Variants in TRPM7 observed in about 807,000 individuals in gnomAD.
The protein encoded by TRPM7 is LTRPC ion channel family member 7.
Under a neutral mutation model 229.7 loss-of-function variants are expected in TRPM7, and 134 were observed. The ratio of observed to expected loss-of-function variants is 0.58; its 90% confidence interval spans 0.51 to 0.67. TRPM7 has a LOEUF of 0.67. Ranked by LOEUF, TRPM7 falls within the 30% of genes least tolerant of loss-of-function variation. The pLI, the probability that TRPM7 is intolerant of heterozygous loss-of-function variation, is 0.00. For missense variants in TRPM7, 1,901 were observed against 2,210.0 expected, an observed-to-expected ratio of 0.86 and a Z score of 2.80; for synonymous variants, 699 against 715.2, an observed-to-expected ratio of 0.98 and a Z score of 0.36.
intron 31 of TRPM7, among the ~76,000 whole-genome samples, chr15:50,577,479 G>A (rs762143990): frequency 2.0e-5 from 3 of 152,054 alleles, no homozygotes; most frequent in Non-Finnish European, 4.4e-5. Flanking sequence ...CCTGGGAGGC[G>A]GAGGTTGCAG....
At chr15:50,589,307 G>A (rs1246741273) in intron 27 of TRPM7, among the ~76,000 whole-genome samples, 5 of 127,542 alleles carry the variant, frequency 3.9e-5, no homozygotes, top group African/African-American at 1.5e-4. Context: ...AGGTGACAGC[G>A]AGACTCCGTC....
In TRPM7 at chr15:50,590,841, A is replaced by AGGG. The variant is rs71124382; in HGVS notation, c.4324+1067_4324+1069dup. Among the ~76,000 whole-genome samples, 618 of 149,956 alleles carry AGGG rather than the reference A, an allele frequency of 4.1e-3. 6 individuals carry two copies. In the East Asian group the frequency reaches 0.042, roughly 10 times the overall value. On this transcript the variant is annotated intron_variant, in intron 26 of 38. Transcript: ENST00000646667. Reference sequence around the variant, plus strand: ...TCCGTCTTTTAAAAAAAAAAAAAAAAGGGGGAATATATTTAACGTAGGAAA... The same window carrying AGGG: ...TCCGTCTTTTAAAAAAAAAAAAAAAAGGGGGGGGAATATATTTAACGTAGGAAA...
At chr15:50,566,031 GC>G (rs1212674934) in intron 38 of TRPM7, among the ~76,000 whole-genome samples, 3 of 151,830 alleles carry the variant, frequency 2.0e-5, no homozygotes. Flanking sequence ...CACTATGTTG[GC>G]CAGGTTGGTA....
intron 1 of TRPM7, among the ~76,000 whole-genome samples, chr15:50,666,832 A>G (rs1397982939): frequency 1.3e-5 from 2 of 152,180 alleles, no homozygotes; most frequent in Non-Finnish European, 2.9e-5. Flanking sequence ...TGGAGGTGGC[A>G]GCACAAGTAA....
rs201347783 is a variant in TRPM7 at position 50,583,585 on chromosome 15, T to G, written c.4487-426A>C. Among the ~76,000 whole-genome samples, 6 of 136,044 alleles carry G rather than the reference T, an allele frequency of 4.4e-5. No homozygotes were observed. The East Asian group carries it at 7.9e-4, about 18-fold the overall frequency. The allele number at this position is 136,044 out of a possible 152,430, so 89.3% of individuals were successfully genotyped here. On this transcript the variant is annotated intron_variant, in intron 28 of 38. Coordinates refer to ENST00000646667, the MANE Select transcript of TRPM7 (RefSeq NM_017672.6). ...AACTTTAAGCTTAGAGTTTTGTTTT[T>G]TTTTTTTTGAGACAGAGTTTCACTC...
intron 3 of TRPM7, among the ~76,000 whole-genome samples, chr15:50,651,954 T>G (rs1240270667): frequency 6.6e-6 from 1 of 151,878 alleles, no homozygotes; most frequent in African/African-American, 2.4e-5. Flanking sequence ...AAATTTCATT[T>G]AAAAAATAAC....
At chr15:50,586,032 C>G (rs1233961764) in intron 28 of TRPM7, among the ~76,000 whole-genome samples, 1 of 151,876 alleles carries the variant, frequency 6.6e-6, no homozygotes, top group Non-Finnish European at 1.5e-5. Flanking sequence ...TAATTTTGAA[C>G]CAAAAATGTA....
chr15:50,662,507 A>G (rs2061752474), intron 2 of TRPM7, among the ~76,000 whole-genome samples: 1 of 152,204 alleles, frequency 6.6e-6, no homozygotes, highest in Non-Finnish European at 1.5e-5. Context: ...TTTCCAGTAA[A>G]TAATGATCTG....
Position 50,631,422 on chromosome 15 carries a change from A to G in TRPM7, c.1199T>C (p.Leu400Pro). 1 of 1,603,970 alleles carries G rather than the reference A, an allele frequency of 6.2e-7. No homozygotes were observed. Among genetic ancestry groups the G allele is most frequent in the Non-Finnish European group, 8.5e-7 (1 of 1,173,410 alleles). Residue 400 changes from leucine (L) to proline (P), a missense_variant, in exon 10 of 39, where the codon CTA (leucine) becomes CCA (proline). By Grantham distance (98) the Leu-to-Pro change is moderately conservative. Coordinates refer to ENST00000646667, the MANE Select transcript of TRPM7 (RefSeq NM_017672.6). The part of the protein sequence containing the change: ...DIDVAILTAL[L>P]KGTNASAFDQ... ...AAAAGTTCTTAGAGGCTTACCTTTT[A>G]GCAGTGCAGTAAGTATTGCTACATC... is the stretch of plus-strand genomic sequence containing the variant.
chr15:50,664,547 T>C (rs1001651644), intron 1 of TRPM7, among the ~76,000 whole-genome samples: 8 of 152,136 alleles, frequency 5.3e-5, no homozygotes, highest in Non-Finnish European at 1.0e-4. Flanking sequence ...ATTATAATCT[T>C]AAATATGATT....
At chr15:50,646,068 G>T (rs2061253889) in intron 4 of TRPM7, among the ~76,000 whole-genome samples, 1 of 148,676 alleles carries the variant, frequency 6.7e-6, no homozygotes, top group Admixed American at 6.8e-5. Flanking sequence ...AGTGAGCTGA[G>T]ATCGCGCCAC....
At chr15:50,570,290 GA>G in intron 36 of TRPM7, 135 bp from the exon 37 acceptor site, 1 of 645,682 alleles carries the variant, frequency 1.5e-6, no homozygotes, top group South Asian at 2.8e-5. Context: ...CTATTCAAAG[GA>G]GTGTAGTTCT....
At chr15:50,672,025 GAGTGT>G (rs1168397867) in intron 1 of TRPM7, among the ~76,000 whole-genome samples, 1 of 152,128 alleles carries the variant, frequency 6.6e-6, no homozygotes, top group Non-Finnish European at 1.5e-5. Context: ...TTTATGGTTA[GAGTGT>G]ACTCCTACCT....
At chr15:50,656,316 T>C (rs970622909) in intron 3 of TRPM7, among the ~76,000 whole-genome samples, 16 of 152,010 alleles carry the variant, frequency 1.1e-4, no homozygotes, top group Non-Finnish European at 1.6e-4. Context: ...TTTTTTTTTC[T>C]GGAGACAGGG....
rs1015169394 is a variant in TRPM7 at position 50,568,937 on chromosome 15, C to T, written c.5467+950G>A. Among the ~76,000 whole-genome samples, 12 of 152,062 alleles carry T rather than the reference C, an allele frequency of 7.9e-5. No individual in the cohort carries two copies. The South Asian group carries it at 1.0e-3, about 13-fold the overall frequency. The stretch of plus-strand genomic sequence containing the variant: ...GGTGGAAGCTGCAGTGAGCTGAGAT[C>T]GCACCACTGCACTCCAGCCTGAGCA... On this transcript the variant is annotated intron_variant, in intron 38 of 38. Coordinates refer to ENST00000646667, the MANE Select transcript of TRPM7 (RefSeq NM_017672.6).
intron 1 of TRPM7, among the ~76,000 whole-genome samples, chr15:50,676,977 T>C (rs1369362966): frequency 6.6e-6 from 1 of 152,102 alleles, no homozygotes; most frequent in Admixed American, 6.5e-5. Context: ...CTGCTGCCCA[T>C]TGTAGGAGAG....
At chr15:50,619,850 T>G in intron 12 of TRPM7, 52 bp from the exon 13 acceptor site, 1 of 1,467,678 alleles carries the variant, frequency 6.8e-7, no homozygotes, top group Non-Finnish European at 9.4e-7. Flanking sequence ...TAAACTAATT[T>G]AAACCTTACA....
chr15:50,650,526 C>G (rs1353146701), intron 3 of TRPM7, among the ~76,000 whole-genome samples: 1 of 151,842 alleles, frequency 6.6e-6, no homozygotes, highest in Non-Finnish European at 1.5e-5. Flanking sequence ...GAAACTCTGT[C>G]TCTCCTAAAA....
At chr15:50,621,426 T>C (rs1471859703) in intron 12 of TRPM7, among the ~76,000 whole-genome samples, 2 of 152,188 alleles carry the variant, frequency 1.3e-5, no homozygotes, top group African/African-American at 2.4e-5. Context: ...AATAAATTGT[T>C]AATAAATAAT....
Sources: allele counts gnomAD v4.1 joint callset (sites outside exome capture counted in the v4.1 genomes callset), GRCh38; gene constraint gnomAD v4.1.1; transcripts MANE v1.5; gene names NCBI Gene and HGNC (gene_info 2026-07-23, HGNC 2026-07-21).